Variants in ROBO2 observed in about 807,000 individuals in gnomAD.
ROBO2 encodes roundabout homolog 2.
A neutral mutation model predicts 160.8 loss-of-function variants in ROBO2; 53 were observed. The observed-to-expected ratio is 0.33, with a 90% CI of 0.26 to 0.41. ROBO2 has a LOEUF of 0.41. Ranked by LOEUF, ROBO2 falls within the 10% of genes least tolerant of loss-of-function variation. The probability of loss-of-function intolerance (pLI) is 1.00; values close to 1 mark genes in which losing one functional copy is unlikely to be tolerated. For synonymous variants in ROBO2, 664 were observed against 611.7 expected, an observed-to-expected ratio of 1.09 and a Z score of -1.26; for missense variants, 1,577 against 1,722.4, an observed-to-expected ratio of 0.92 and a Z score of 1.49.
chr3:77,354,185 A>T (rs1281678189), intron 2 of ROBO2, among the ~76,000 whole-genome samples: 1 of 152,194 alleles, frequency 6.6e-6, no homozygotes, highest in African/African-American at 2.4e-5. Flanking sequence ...AATACCAGGA[A>T]TAGTCTTCTA....
At chr3:77,327,949 G>A (rs1263513625) in intron 2 of ROBO2, among the ~76,000 whole-genome samples, 1 of 151,600 alleles carries the variant, frequency 6.6e-6, no homozygotes, top group African/African-American at 2.4e-5. Flanking sequence ...TACTTGGGAG[G>A]CTGAGGCATG....
chr3:77,525,530 A>C (rs1028362844), intron 6 of ROBO2, among the ~76,000 whole-genome samples: 1 of 151,132 alleles, frequency 6.6e-6, no homozygotes, highest in African/African-American at 2.4e-5. Flanking sequence ...CAAACCTCCT[A>C]GCATTTTCAT....
chr3:76,910,573 A>T (rs934701394), intron 2 of ROBO2, among the ~76,000 whole-genome samples: 2 of 151,814 alleles, frequency 1.3e-5, no homozygotes. Flanking sequence ...TAAAAATAGA[A>T]AAATTAGCTG....
intron 2 of ROBO2, among the ~76,000 whole-genome samples, chr3:77,131,792 G>A (rs2075876475): frequency 1.3e-5 from 2 of 152,082 alleles, no homozygotes; most frequent in South Asian, 4.1e-4. Context: ...TAATTTACTT[G>A]TGAGACTAGA....
intron 2 of ROBO2, among the ~76,000 whole-genome samples, chr3:77,159,315 A>G (rs1254517333): frequency 2.0e-5 from 3 of 152,092 alleles, no homozygotes; most frequent in African/African-American, 4.8e-5. Flanking sequence ...TCCCACTCCA[A>G]TCTGCAGGAG....
chr3:77,105,042 C>G (rs1357585542), intron 2 of ROBO2, among the ~76,000 whole-genome samples: 15 of 152,174 alleles, frequency 9.9e-5, no homozygotes, highest in Non-Finnish European at 2.9e-5. Context: ...TGACGTTACC[C>G]TTCCTGAGAA....
At chr3:76,305,387 CAAAAAAAAAAAAAAAAAAAAAAAAA>C (rs1166858558) in intron 2 of ROBO2, among the ~76,000 whole-genome samples, 1 of 20,662 alleles carries the variant, frequency 4.8e-5, no homozygotes, top group African/African-American at 2.5e-4. Context: ...CAAGATCTGT[CAAAAAAAAAAAAAAAAAAAAAAAAA>C]AAAAAAAAAA....
At chr3:76,472,063 A>ATGTGTGTGTG (rs57259386) in intron 2 of ROBO2, among the ~76,000 whole-genome samples, 53 of 137,940 alleles carry the variant, frequency 3.8e-4, no homozygotes, top group Non-Finnish European at 5.4e-4. Context: ...GTCTGATAAA[A>ATGTGTGTGTG]TGTGTGTGTG....
chr3:77,607,258 G>A (rs561790902), intron 20 of ROBO2, among the ~76,000 whole-genome samples: 8 of 152,178 alleles, frequency 5.3e-5, no homozygotes, highest in East Asian at 3.9e-4. Context: ...TCTATAAAAC[G>A]TATCTTCGCA....
exon 22 of ROBO2, chr3:77,617,746 A>G (rs764505165): frequency 6.2e-7 from 1 of 1,613,712 alleles, no homozygotes; most frequent in East Asian, 2.2e-5. Context: ...ACAAGAGCCT[A>G]TCAGTTTGAT....
chr3:76,976,134 C>T (rs778219251), intron 2 of ROBO2, among the ~76,000 whole-genome samples: 1 of 152,152 alleles, frequency 6.6e-6, no homozygotes, highest in African/African-American at 2.4e-5. Context: ...ACTGAAGACT[C>T]ACTTCAGAGA....
chr3:76,559,733 C>T (rs997733583), intron 2 of ROBO2, among the ~76,000 whole-genome samples: 1 of 152,096 alleles, frequency 6.6e-6, no homozygotes, highest in Admixed American at 6.6e-5. Flanking sequence ...GAAGAAATAT[C>T]AATTAGTGGA....
intron 2 of ROBO2, among the ~76,000 whole-genome samples, chr3:76,456,445 C>T (rs1210726896): frequency 6.6e-6 from 1 of 152,078 alleles, no homozygotes; most frequent in African/African-American, 2.4e-5. Context: ...ATGCAATTAA[C>T]AAATTGAGGG....
rs1175315108 is a variant in ROBO2 at position 76,272,804 on chromosome 3, AATATATAATATGTATTT to A, written c.109+335211_109+335227del. On this transcript the variant is annotated intron_variant, in intron 2 of 26. Coordinates refer to the ROBO2 transcript ENST00000487694. ...AAATATATAAAATATATATATATAA[AATATATAATATGTATTT>A]ATATATAAAATATATATATTATATA... Among the ~76,000 whole-genome samples the A allele has an allele frequency of 2.9e-4, 14 of 47,460 alleles. 1 individual carries two copies. Among genetic ancestry groups the A allele is most frequent in the African/African-American group, 6.8e-4 (11 of 16,068 alleles). 31.1% of individuals were successfully genotyped at this position (47,460 alleles called of 152,430 possible).
At chr3:75,907,475 G>T in intron 1 of ROBO2, among the ~76,000 whole-genome samples, 1 of 152,050 alleles carries the variant, frequency 6.6e-6, no homozygotes. Context: ...AGGTTCCTTT[G>T]CTCTGCACCC....
At chr3:76,865,104 A>G (rs894293157) in intron 2 of ROBO2, among the ~76,000 whole-genome samples, 6 of 151,926 alleles carry the variant, frequency 3.9e-5, no homozygotes, top group African/African-American at 1.2e-4. Flanking sequence ...AGACCATTCT[A>G]TTTCCATGCT....
intron 1 of ROBO2, among the ~76,000 whole-genome samples, chr3:77,092,707 A>G (rs1339118079): frequency 6.7e-6 from 1 of 148,722 alleles, no homozygotes; most frequent in Non-Finnish European, 1.5e-5. Context: ...ATTGAGATAT[A>G]AAAAGATACC....
At chr3:76,302,344 A>G (rs567729221) in intron 2 of ROBO2, among the ~76,000 whole-genome samples, 91 of 152,226 alleles carry the variant, frequency 6.0e-4, no homozygotes, top group African/African-American at 2.0e-3. Context: ...ATTTCTAAAT[A>G]GTAAAGTTAA....
At chr3:77,100,965 A>G (rs9852011) in intron 2 of ROBO2, among the ~76,000 whole-genome samples, 39,640 of 152,076 alleles carry the variant, frequency 0.26, 5,609 homozygotes, top group East Asian at 0.55. Flanking sequence ...TTAAATGAAC[A>G]CTGTGTATTC....
Sources: gnomAD v4.1 joint callset for allele counts (sites outside exome capture counted in the v4.1 genomes callset) on GRCh38, gnomAD v4.1.1 for gene constraint, MANE v1.5 for transcripts, NCBI Gene and HGNC (gene_info 2026-07-23, HGNC 2026-07-21) for gene names.